The following MEGF10 variants were observed in gnomAD, a reference collection of about 807,000 sequenced individuals.
MEGF10 encodes multiple epidermal growth factor-like domains protein 10.
MEGF10 carries 86 observed loss-of-function variants against 147.5 expected under a neutral mutation model. The ratio of observed to expected loss-of-function variants is 0.58; its 90% CI spans 0.49 to 0.70. The LOEUF is 0.70. MEGF10 is among the 30% of genes least tolerant of loss of function. The pLI is 0.00. For missense variants in MEGF10, 1,329 were observed against 1,487.3 expected (o/e 0.89, Z 1.75); for synonymous variants, 478 against 525.5 (o/e 0.91, Z 1.24).
Position 127,445,533 on chromosome 5 carries a change from C to G in MEGF10, c.2568C>G (p.Ile856Met). 1 of 1,614,054 alleles carries G rather than the reference C, an allele frequency of 6.2e-7. No homozygotes were observed. Among genetic ancestry groups the G allele is most frequent in the Non-Finnish European group, 8.5e-7 (1 of 1,180,016 alleles). ...CTCTCCCTGCTGATTCCTACCAGAT[C>G]GGGGCCATTGCAGGCATCATCATTC... ...STALPADSYQ[I>M]GAIAGIIILV... Residue 856 changes from isoleucine (I) to methionine (M), a missense_variant, in exon 20 of 25, where the codon ATC becomes ATG. By Grantham distance (10) the Ile-to-Met change is conservative. Around this residue, in one of 3 missense-constraint regions of MEGF10, gnomAD observed 343 missense variants for 377.9 expected, o/e 0.91. Transcript: ENST00000503335.
At chr5:127,253,013 C>A in the MEGF10 span, among the ~76,000 whole-genome samples, 2 of 151,838 alleles carry the variant, frequency 1.3e-5, no homozygotes, top group Non-Finnish European at 2.9e-5. Context: ...CACTACAATT[C>A]ATACTCATAA....
the MEGF10 span, among the ~76,000 whole-genome samples, chr5:127,243,949 C>A: frequency 1.3e-5 from 2 of 152,134 alleles, no homozygotes; most frequent in East Asian, 3.9e-4. Context: ...GTAATCTCAG[C>A]GGTTTGGGAG....
chr5:127,438,798 T>C (rs1289093174), intron 17 of MEGF10, among the ~76,000 whole-genome samples: 1 of 152,238 alleles, frequency 6.6e-6, no homozygotes, highest in Non-Finnish European at 1.5e-5. Context: ...TGCTGTGTGA[T>C]GGTATGCAGT....
chr5:127,421,807 A>G (rs1173453449), intron 12 of MEGF10, among the ~76,000 whole-genome samples: 1 of 151,626 alleles, frequency 6.6e-6, no homozygotes, highest in East Asian at 1.9e-4. Flanking sequence ...ACTTAATTCA[A>G]TTAAAACTAT....
At chr5:127,412,304 T>G (rs1306457463) in intron 9 of MEGF10, among the ~76,000 whole-genome samples, 1 of 152,222 alleles carries the variant, frequency 6.6e-6, no homozygotes, top group Non-Finnish European at 1.5e-5. Flanking sequence ...TAAAACAAGT[T>G]TAATGTTGAT....
Position 127,459,764 on chromosome 5 carries a change from A to AT in MEGF10, c.*2448dup, listed in dbSNP as rs1766498790. 1 of 152,198 alleles carries AT rather than the reference A, an allele frequency of 6.6e-6. No individual in the cohort carries two copies. The allele number at this position is 152,198 out of a possible 1,614,324, so 9.4% of individuals were successfully genotyped here. On this transcript the variant is annotated 3_prime_UTR_variant, in exon 25 of 25. Transcript: ENST00000503335. Reference sequence around the variant, plus strand: ...TGAAATGACATTTGTACCTGAGGCAATTCTTATTAGAGCTTACTCAGGACT... The same window carrying AT: ...TGAAATGACATTTGTACCTGAGGCAATTTCTTATTAGAGCTTACTCAGGACT...
chr5:127,293,754 T>C (rs1225027726), intron 1 of MEGF10, among the ~76,000 whole-genome samples: 1 of 152,230 alleles, frequency 6.6e-6, no homozygotes, highest in Non-Finnish European at 1.5e-5. Context: ...GTTGAAAATA[T>C]AGATTCCAGG....
At chr5:127,409,387 T>G (rs1764464622) in intron 8 of MEGF10, among the ~76,000 whole-genome samples, 1 of 152,226 alleles carries the variant, frequency 6.6e-6, no homozygotes, top group African/African-American at 2.4e-5. Context: ...AGTGCTCGGC[T>G]GGGCAAAGCC....
At position 127,443,037 on chromosome 5, in the gene MEGF10, T is replaced by A. The variant is rs2127019952; in HGVS notation, c.2402T>A (p.Ile801Lys). The A allele has an allele frequency of 6.2e-7, 1 of 1,613,804 alleles. No homozygotes were observed. Among genetic ancestry groups the A allele is most frequent in the African/African-American group, 1.3e-5 (1 of 75,028 alleles). ...ACATATGGCTATGGCTGTCGCCAGA[T>A]ATGTGATTGTCTGAACAACTCCACC... is the stretch of plus-strand genomic sequence containing the variant. ...SGTYGYGCRQ[I>K]CDCLNNSTCD... is the part of the protein sequence containing the mutation. The change falls in exon 19 of 25, where the codon ATA becomes AAA. Residue 801 changes from isoleucine to lysine, a missense_variant. Physicochemically the swap from Ile to Lys is moderately radical, Grantham distance 102. This residue lies in a region of MEGF10 where 980 missense variants were observed against 1,085.9 expected (regional missense o/e 0.90). Transcript: ENST00000503335.
At chr5:127,331,062 A>T (rs1356790501) in intron 1 of MEGF10, among the ~76,000 whole-genome samples, 1 of 152,168 alleles carries the variant, frequency 6.6e-6, no homozygotes, top group Non-Finnish European at 1.5e-5. Context: ...GCAATTGATG[A>T]TGATTTGCAT....
At chr5:127,247,406 A>AGAAGAAGAG in the MEGF10 span, among the ~76,000 whole-genome samples, 1 of 67,212 alleles carries the variant, frequency 1.5e-5, no homozygotes, top group Non-Finnish European at 2.9e-5. Flanking sequence ...AAGAAGAAGA[A>AGAAGAAGAG]GAAGAAGAAG....
intron 1 of MEGF10, among the ~76,000 whole-genome samples, chr5:127,327,670 TAAATGAATG>T (rs1761090466): frequency 6.6e-6 from 1 of 151,732 alleles, no homozygotes; most frequent in Non-Finnish European, 1.5e-5. Context: ...AGGGAAAAAG[TAAATGAATG>T]CCCTATCTGC....
intron 4 of MEGF10, among the ~76,000 whole-genome samples, chr5:127,345,822 G>A (rs1048728708): frequency 6.6e-6 from 1 of 152,080 alleles, no homozygotes; most frequent in Non-Finnish European, 1.5e-5. Flanking sequence ...TGTACCCAAC[G>A]TCTAGTCTTT....
At position 127,402,580 on chromosome 5, in the gene MEGF10, G is replaced by T; in HGVS notation, c.815G>T (p.Arg272Leu). The stretch of plus-strand genomic sequence containing the variant: ...TGTGGTCAGCCTTGCCCCGAGGGTC[G>T]CTTTGGAAAGAACTGTTCCCAAGAA... The part of the protein sequence containing the change: ...TVCGQPCPEG[R>L]FGKNCSQECQ... Residue 272 changes from arginine (R) to leucine (L), a missense_variant, in exon 8 of 25, where the codon CGC becomes CTC. Arg to Leu is a moderately radical substitution (Grantham distance 102). Coordinates refer to ENST00000503335, the MANE Select transcript of MEGF10 (RefSeq NM_001256545.2). The T allele has an allele frequency of 6.2e-7, 1 of 1,614,002 alleles. No individual in the cohort carries two copies. Among genetic ancestry groups the T allele is most frequent in the Non-Finnish European group, 8.5e-7 (1 of 1,179,968 alleles).
At chr5:127,409,753 A>G (rs1394563442) in intron 8 of MEGF10, 3 of 153,106 alleles carry the variant, frequency 2.0e-5, no homozygotes, top group Non-Finnish European at 4.4e-5. Flanking sequence ...AAGCCTTCCT[A>G]CTGGCAGGCA....
the MEGF10 span, among the ~76,000 whole-genome samples, chr5:127,238,188 T>C: frequency 1.3e-5 from 2 of 151,874 alleles, no homozygotes; most frequent in African/African-American, 4.8e-5. Context: ...CCCAAGTAGC[T>C]GGGACTACAG....
At chr5:127,259,474 C>A in the MEGF10 span, among the ~76,000 whole-genome samples, 1 of 152,058 alleles carries the variant, frequency 6.6e-6, no homozygotes, top group Non-Finnish European at 1.5e-5. Flanking sequence ...ATCATCTGTC[C>A]TGTGTGGAAT....
intron 22 of MEGF10, among the ~76,000 whole-genome samples, chr5:127,451,139 A>G (rs943452001): frequency 4.6e-5 from 7 of 152,342 alleles, no homozygotes; most frequent in Middle Eastern, 3.4e-3. Context: ...TGGGAGGCAC[A>G]GAGAGGTTAA....
chr5:127,372,157 C>A (rs905358000), intron 5 of MEGF10, among the ~76,000 whole-genome samples: 2 of 152,164 alleles, frequency 1.3e-5, no homozygotes, highest in African/African-American at 4.8e-5. Context: ...CATCTCCCCC[C>A]TGCTTTGGTT....
Sources: gnomAD v4.1 joint callset for allele counts (sites outside exome capture counted in the v4.1 genomes callset) on GRCh38, gnomAD v4.1.1 for gene constraint, gnomAD v4.1.1 regional missense constraint, MANE v1.5 for transcripts, NCBI Gene and HGNC (gene_info 2026-07-23, HGNC 2026-07-21) for gene names.